FRMD6: variants seen among roughly 807,000 people sequenced by gnomAD.
The protein encoded by FRMD6 is FERM domain-containing protein 6.
In FRMD6, 37 loss-of-function variants were observed where a neutral mutation model predicts 73.2. The observed-to-expected ratio is 0.51, with a 90% CI of 0.39 to 0.66. The LOEUF is 0.66. FRMD6 is among the 30% of genes least tolerant of loss of function. FRMD6 has a pLI of 0.00. For synonymous variants in FRMD6, 273 were observed against 282.2 expected (o/e 0.97, Z 0.33); for missense variants, 714 against 780.5 (o/e 0.91, Z 1.02).
the FRMD6 span, among the ~76,000 whole-genome samples, chr14:51,463,911 G>A: frequency 7.9e-5 from 12 of 152,214 alleles, no homozygotes; most frequent in African/African-American, 1.9e-4. Flanking sequence ...TTAGCCTCCT[G>A]AGCTCAGATA....
intron 1 of FRMD6, among the ~76,000 whole-genome samples, chr14:51,671,028 T>A (rs1893970827): frequency 6.6e-6 from 1 of 152,204 alleles, no homozygotes; most frequent in African/African-American, 2.4e-5. Context: ...ATAATTTCAG[T>A]TTTTCATCTT....
the FRMD6 span, among the ~76,000 whole-genome samples, chr14:51,466,031 A>G: frequency 1.3e-5 from 2 of 152,332 alleles, no homozygotes; most frequent in South Asian, 4.1e-4. Context: ...TCGTTTTAAT[A>G]TTCATTATCC....
chr14:51,664,705 A>T (rs1395175910), intron 1 of FRMD6, among the ~76,000 whole-genome samples: 1 of 152,182 alleles, frequency 6.6e-6, no homozygotes, highest in East Asian at 1.9e-4. Flanking sequence ...TGGTGATTAT[A>T]TGTGTGTTTC....
chr14:51,407,211 A>C, the FRMD6 span, among the ~76,000 whole-genome samples: 1 of 151,916 alleles, frequency 6.6e-6, no homozygotes, highest in African/African-American at 2.4e-5. Context: ...TTATTATTGT[A>C]TTTGATTAGC....
intron 2 of FRMD6, 106 bp from the exon 3 acceptor site, chr14:51,698,036 T>A: frequency 1.4e-6 from 1 of 712,166 alleles, no homozygotes; most frequent in African/African-American, 1.7e-5. Context: ...ACTGTCAGCT[T>A]GTCCTTTCAA....
chr14:51,531,550 A>G (rs1885584245), intron 1 of FRMD6, among the ~76,000 whole-genome samples: 1 of 152,222 alleles, frequency 6.6e-6, no homozygotes, highest in South Asian at 2.1e-4. Flanking sequence ...GCCAATGTTT[A>G]TTAGTTTTGA....
intron 1 of FRMD6, among the ~76,000 whole-genome samples, chr14:51,529,675 C>A (rs73285063): frequency 0.014 from 2,123 of 152,272 alleles, 54 homozygotes; most frequent in African/African-American, 0.049. Flanking sequence ...CCCAGCATCT[C>A]CCGATAGACC....
rs1898195638 is a variant in FRMD6 at position 51,730,416 on chromosome 14, T to A, written c.*2387T>A. Reference sequence around the variant, plus strand: ...ACTTTGAATAATCCATGTTTTGTATTTGGAAATTGTTTTTAAAAATAAAAA... The same window carrying A: ...ACTTTGAATAATCCATGTTTTGTATATGGAAATTGTTTTTAAAAATAAAAA... On this transcript the variant is annotated 3_prime_UTR_variant, in exon 14 of 14. Transcript: ENST00000344768. The A allele has an allele frequency of 6.6e-6, 1 of 152,264 alleles. No homozygotes were observed. Among genetic ancestry groups the A allele is most frequent in the Non-Finnish European group, 1.5e-5 (1 of 68,038 alleles). The allele number at this position is 152,264 out of a possible 1,614,324, so 9.4% of individuals were successfully genotyped here. A position where few individuals can be genotyped will look rare whatever the true frequency, so the allele number is the denominator to read the frequency against.
At chr14:51,684,106 G>A (rs1270676639) in intron 1 of FRMD6, among the ~76,000 whole-genome samples, 1 of 151,584 alleles carries the variant, frequency 6.6e-6, no homozygotes, top group African/African-American at 2.4e-5. Context: ...AGTGAGAAAA[G>A]TAAATCTGTG....
At chr14:51,656,702 G>A (rs114312668) in intron 1 of FRMD6, among the ~76,000 whole-genome samples, 1,918 of 152,220 alleles carry the variant, frequency 0.013, 48 homozygotes, top group African/African-American at 0.044. Context: ...TTGAGCCACC[G>A]CGCCCGGCTA....
At chr14:51,659,437 G>GT (rs1329554115) in intron 1 of FRMD6, among the ~76,000 whole-genome samples, 1 of 152,198 alleles carries the variant, frequency 6.6e-6, no homozygotes, top group Non-Finnish European at 1.5e-5. Context: ...ATTTAACTTT[G>GT]TTTTTTGATG....
chr14:51,723,596 C>T (rs574962648), intron 12 of FRMD6, among the ~76,000 whole-genome samples: 39 of 151,514 alleles, frequency 2.6e-4, no homozygotes, highest in Non-Finnish European at 3.7e-4. Flanking sequence ...GCCTGGCCAA[C>T]GTGGTGAAAC....
At chr14:51,509,475 G>A (rs935307562) in intron 1 of FRMD6, among the ~76,000 whole-genome samples, 2 of 151,978 alleles carry the variant, frequency 1.3e-5, no homozygotes, top group Admixed American at 6.5e-5. Context: ...TGCAGTGAGC[G>A]GAGATTGCGC....
chr14:51,581,037 G>C (rs1487117892), intron 2 of FRMD6, among the ~76,000 whole-genome samples: 4 of 152,146 alleles, frequency 2.6e-5, no homozygotes, highest in African/African-American at 9.7e-5. Flanking sequence ...GAAAAGATGT[G>C]GAAATGATAG....
At chr14:51,557,801 T>C (rs1401005199) in intron 1 of FRMD6, among the ~76,000 whole-genome samples, 1 of 152,164 alleles carries the variant, frequency 6.6e-6, no homozygotes, top group African/African-American at 2.4e-5. Flanking sequence ...CACCGGGACC[T>C]ACTTGAAGGT....
At chr14:51,617,727 AATT>A (rs1890770998) in intron 2 of FRMD6, among the ~76,000 whole-genome samples, 1 of 152,114 alleles carries the variant, frequency 6.6e-6, no homozygotes, top group Non-Finnish European at 1.5e-5. Flanking sequence ...TAATCATTAT[AATT>A]ATTATTATTT....
chr14:51,575,385 C>T (rs887818957), intron 2 of FRMD6, among the ~76,000 whole-genome samples: 3 of 152,186 alleles, frequency 2.0e-5, no homozygotes, highest in Non-Finnish European at 4.4e-5. Context: ...GCTCCCTGAA[C>T]ATCAGGACTT....
the FRMD6 span, among the ~76,000 whole-genome samples, chr14:51,469,998 G>T: frequency 5.9e-5 from 9 of 151,994 alleles, no homozygotes; most frequent in African/African-American, 1.9e-4. Context: ...CTATTCAGAT[G>T]TTCTGTTTCT....
At chr14:51,432,441 A>G in the FRMD6 span, among the ~76,000 whole-genome samples, 1 of 152,160 alleles carries the variant, frequency 6.6e-6, no homozygotes, top group African/African-American at 2.4e-5. Context: ...GTGGTCTGGA[A>G]CACAGAATCA....
Sources: gnomAD v4.1 joint callset for allele counts (sites outside exome capture counted in the v4.1 genomes callset) on GRCh38, gnomAD v4.1.1 for gene constraint, MANE v1.5 for transcripts, NCBI Gene and HGNC (gene_info 2026-07-23, HGNC 2026-07-21) for gene names.